Variants in MYL4 observed in about 807,000 individuals in gnomAD.
MYL4 encodes atrial myosin light chain 1.
Under a neutral mutation model 21.6 loss-of-function variants are expected in MYL4, and 16 were observed. That is an observed-to-expected ratio of 0.74 (90% CI 0.50 to 1.12). The LOEUF is 1.12. MYL4 is among the 50% of genes most tolerant of loss of function. The pLI is 0.00. For synonymous variants in MYL4, 82 were observed against 95.7 expected (o/e 0.86, Z 0.83); for missense variants, 249 against 252.9 (o/e 0.98, Z 0.11).
chr17:47,220,557 C>T (rs1477720232), intron 3 of MYL4, among the ~76,000 whole-genome samples: 2 of 152,188 alleles, frequency 1.3e-5, no homozygotes, highest in East Asian at 3.8e-4. Flanking sequence ...CTACGTGCTG[C>T]CTCTTTCATT....
downstream of MYL4, among the ~76,000 whole-genome samples, chr17:47,224,417 A>G (rs917655876): frequency 5.9e-5 from 9 of 152,202 alleles, no homozygotes; most frequent in Admixed American, 1.3e-4. Flanking sequence ...CCCACAACAC[A>G]TGGGAATTCA....
intron 1 of MYL4, among the ~76,000 whole-genome samples, chr17:47,201,844 A>G (rs1567742257): frequency 6.6e-6 from 1 of 152,054 alleles, no homozygotes; most frequent in African/African-American, 2.4e-5. Flanking sequence ...TTTAATGTGT[A>G]TTTTTTTGTT....
chr17:47,201,814 C>T (rs780617093), intron 1 of MYL4, among the ~76,000 whole-genome samples: 1 of 152,088 alleles, frequency 6.6e-6, no homozygotes, highest in South Asian at 2.1e-4. Flanking sequence ...CACACCCACT[C>T]TAGGCAATTA....
chr17:47,203,094 G>T (rs1355794567), intron 1 of MYL4, among the ~76,000 whole-genome samples: 1 of 152,122 alleles, frequency 6.6e-6, no homozygotes, highest in Non-Finnish European at 1.5e-5. Flanking sequence ...GGAATTACAG[G>T]CATGCACTGC....
At chr17:47,201,784 A>G (rs139099887) in intron 1 of MYL4, among the ~76,000 whole-genome samples, 89 of 152,108 alleles carry the variant, frequency 5.9e-4, no homozygotes, top group Admixed American at 2.4e-3. Context: ...CTTTTATCTC[A>G]TTGACCCAGC....
chr17:47,222,357 A>G, intron 4 of MYL4, 23 bp from the exon 5 acceptor site: 1 of 1,612,948 alleles, frequency 6.2e-7, no homozygotes. Context: ...TTAAGAGCGC[A>G]CCACCTCCCA....
At chr17:47,204,445 C>A (rs1249579479), upstream of MYL4, among the ~76,000 whole-genome samples, 1 of 152,172 alleles carries the variant, frequency 6.6e-6, no homozygotes, top group African/African-American at 2.4e-5. Flanking sequence ...GCTTAAAGAT[C>A]TTGAGTAGTT....
chr17:47,212,069 A>G (rs1030040916), intron 1 of MYL4, among the ~76,000 whole-genome samples: 6 of 152,150 alleles, frequency 3.9e-5, no homozygotes, highest in African/African-American at 1.2e-4. Context: ...TACTAAAAAT[A>G]CAAAAATTAG....
At chr17:47,198,832 A>G (rs1054665716), upstream of MYL4, among the ~76,000 whole-genome samples, 4 of 152,154 alleles carry the variant, frequency 2.6e-5, no homozygotes, top group Admixed American at 1.3e-4. Flanking sequence ...AAAAAATAAA[A>G]AAAACTAGCC....
intron 2 of MYL4, among the ~76,000 whole-genome samples, chr17:47,217,758 G>A (rs894030986): frequency 1.1e-4 from 16 of 152,070 alleles, no homozygotes; most frequent in African/African-American, 3.9e-4. Flanking sequence ...TGATAGCTGG[G>A]TGGAGTGACT....
In MYL4 at chr17:47,209,375, C is replaced by T. The variant is rs758606614; in HGVS notation, c.-48C>T. 16 of 1,613,432 alleles carry T rather than the reference C, an allele frequency of 9.9e-6. No homozygotes were observed. The highest frequency in any genetic ancestry group is 2.7e-5 in the African/African-American group (2 of 74,952). ...CTCATCTCCCAGACGCCACGTCTCT[C>T]GGTTTCTTCTTAGATCACTCCTCTG... On this transcript the variant is annotated 5_prime_UTR_variant, in exon 1 of 7. Transcript: ENST00000393450.
intron 2 of MYL4, among the ~76,000 whole-genome samples, chr17:47,216,466 G>A (rs1837606088): frequency 6.6e-6 from 1 of 151,764 alleles, no homozygotes; most frequent in East Asian, 1.9e-4. Context: ...CATTTCCTTG[G>A]TTTGCTTAAT....
chr17:47,204,162 G>A (rs899390983), upstream of MYL4, among the ~76,000 whole-genome samples: 6 of 152,318 alleles, frequency 3.9e-5, no homozygotes, highest in African/African-American at 1.4e-4. Context: ...GAGTAGCACC[G>A]TTTGTCATAA....
intron 1 of MYL4, among the ~76,000 whole-genome samples, chr17:47,201,774 C>A (rs2149038170): frequency 6.6e-6 from 1 of 152,156 alleles, no homozygotes; most frequent in Non-Finnish European, 1.5e-5. Flanking sequence ...TATTTATTTT[C>A]TTTTATCTCA....
At chr17:47,208,246 C>T (rs1292732951), upstream of MYL4, among the ~76,000 whole-genome samples, 134 of 152,118 alleles carry the variant, frequency 8.8e-4, 1 homozygote, top group Non-Finnish European at 1.8e-4. Context: ...AAGACCTCAT[C>T]TCTACTGAAA....
At chr17:47,218,095 C>T (rs1180025373) in intron 2 of MYL4, among the ~76,000 whole-genome samples, 1 of 150,354 alleles carries the variant, frequency 6.7e-6, no homozygotes, top group Non-Finnish European at 1.5e-5. Flanking sequence ...GATGTAGGTA[C>T]CATTTATAGA....
At position 47,209,416 on chromosome 17, in the gene MYL4, A is replaced by T; in HGVS notation, c.-7A>T. ...CACTCCTCTGCCAAAGATCCCAACA[A>T]GACAACATGGCTCCCAAGAAGCCTG... On this transcript the variant is annotated 5_prime_UTR_variant, in exon 1 of 7. The change creates a new upstream start codon in the 5' untranslated region. Coordinates refer to ENST00000393450, the MANE Select transcript of MYL4 (RefSeq NM_002476.2). 6.2e-7 allele frequency: 1 copy of T among 1,614,170 alleles called. No individual in the cohort carries two copies. The highest frequency in any genetic ancestry group is 8.5e-7 in the Non-Finnish European group (1 of 1,180,028).
chr17:47,195,029 C>A, the MYL4 span, among the ~76,000 whole-genome samples: 5 of 150,874 alleles, frequency 3.3e-5, no homozygotes, highest in Admixed American at 2.6e-4. Context: ...GCGTGAGCCA[C>A]GGTGCCCAGC....
At chr17:47,211,656 A>G (rs2064776520) in intron 1 of MYL4, among the ~76,000 whole-genome samples, 1 of 152,058 alleles carries the variant, frequency 6.6e-6, no homozygotes. Context: ...CCTAGCCACA[A>G]CTAGTTTTCT....
Sources: gnomAD v4.1 joint callset for allele counts (sites outside exome capture counted in the v4.1 genomes callset) on GRCh38, gnomAD v4.1.1 for gene constraint, MANE v1.5 for transcripts, NCBI Gene and HGNC (gene_info 2026-07-23, HGNC 2026-07-21) for gene names.